The following ADGRL3 variants were observed in gnomAD, a reference collection of about 807,000 sequenced individuals.
The protein encoded by ADGRL3 is calcium-independent alpha-latrotoxin receptor 3.
In ADGRL3, 62 loss-of-function variants were observed where a neutral mutation model predicts 153.5. The ratio of observed to expected loss-of-function variants is 0.40; its 90% CI spans 0.33 to 0.50. The LOEUF (loss-of-function observed/expected upper bound fraction) is 0.50, where lower values mean the gene tolerates loss of function less well. Ranked by LOEUF, ADGRL3 falls within the 20% of genes least tolerant of loss-of-function variation. The pLI is 0.47. For synonymous variants in ADGRL3, 710 were observed against 672.5 expected, an observed-to-expected ratio of 1.06 and a Z score of -0.86; for missense variants, 1,641 against 1,859.4, an observed-to-expected ratio of 0.88 and a Z score of 2.16.
At position 61,959,885 on chromosome 4, in the gene ADGRL3, C is replaced by T. The variant is rs540162299; in HGVS notation, c.2805+11609C>T. The stretch of plus-strand genomic sequence containing the variant: ...TTACACTCATTTTGTATTTTGCTAT[C>T]TATAGTATGGTGGGATTTAGGTGGA... On this transcript the variant is annotated intron_variant, in intron 17 of 26. Transcript: ENST00000683033. Among the ~76,000 whole-genome samples the T allele has an allele frequency of 1.1e-4, 16 of 152,138 alleles. No individual in the cohort carries two copies. The East Asian group carries it at 3.1e-3, about 29-fold the overall frequency.
chr4:61,835,881 C>T (rs561202278), intron 9 of ADGRL3, among the ~76,000 whole-genome samples: 29 of 152,246 alleles, frequency 1.9e-4, no homozygotes, highest in South Asian at 1.0e-3. Flanking sequence ...TTGTTTTTCC[C>T]AGAAGGAGCC....
chr4:62,039,126 G>C (rs368885313), intron 24 of ADGRL3, among the ~76,000 whole-genome samples: 1 of 151,712 alleles, frequency 6.6e-6, no homozygotes, highest in Admixed American at 6.6e-5. Context: ...TTTTTTATTT[G>C]ATGGATGTTC....
Position 61,989,029 on chromosome 4 carries a change from G to C in ADGRL3, c.3236+5426G>C, listed in dbSNP as rs370251465. Among the ~76,000 whole-genome samples, 7 of 151,848 alleles carry C rather than the reference G, an allele frequency of 4.6e-5. 1 individual carries two copies. In the East Asian group the frequency reaches 1.4e-3, roughly 29 times the overall value. On this transcript the variant is annotated intron_variant, in intron 19 of 26. Transcript: ENST00000683033. The stretch of plus-strand genomic sequence containing the variant: ...ACTAGCTTAAGAGTATCTTTCAAAG[G>C]GGTACTTTCTCCTCTGTTAATTAAA...
chr4:61,450,745 T>C (rs1207887858), intron 2 of ADGRL3, among the ~76,000 whole-genome samples: 1 of 152,062 alleles, frequency 6.6e-6, no homozygotes, highest in Non-Finnish European at 1.5e-5. Context: ...TTGTTAGAAT[T>C]TCCATGTACA....
At chr4:61,492,009 G>A (rs1468961110) in intron 2 of ADGRL3, among the ~76,000 whole-genome samples, 1 of 122,606 alleles carries the variant, frequency 8.2e-6, no homozygotes, top group Non-Finnish European at 1.7e-5. Context: ...TCCCTCTATG[G>A]AACAATGAAA....
At chr4:61,591,947 G>T (rs538210258) in intron 5 of ADGRL3, among the ~76,000 whole-genome samples, 2 of 151,740 alleles carry the variant, frequency 1.3e-5, no homozygotes, top group African/African-American at 4.8e-5. Context: ...CTGGTGGGGT[G>T]CACCTATGGT....
chr4:61,203,785 C>T (rs563073313), intron 1 of ADGRL3, among the ~76,000 whole-genome samples: 1 of 152,144 alleles, frequency 6.6e-6, no homozygotes, highest in Non-Finnish European at 1.5e-5. Context: ...AATTTATCTG[C>T]ATGTGGATTA....
intron 1 of ADGRL3, among the ~76,000 whole-genome samples, chr4:61,278,644 C>T (rs1211310254): frequency 2.6e-5 from 4 of 152,210 alleles, no homozygotes; most frequent in Non-Finnish European, 5.9e-5. Context: ...GCTGGGACTA[C>T]AGGCATGCAC....
chr4:61,755,819 G>A (rs2096822072), intron 8 of ADGRL3, among the ~76,000 whole-genome samples: 1 of 152,146 alleles, frequency 6.6e-6, no homozygotes, highest in Admixed American at 6.5e-5. Flanking sequence ...AAGGGATCCA[G>A]TTTCAGCTTT....
At chr4:61,575,605 G>T (rs957296523) in intron 4 of ADGRL3, among the ~76,000 whole-genome samples, 1 of 151,724 alleles carries the variant, frequency 6.6e-6, no homozygotes, top group Admixed American at 6.6e-5. Context: ...ATGTTTTATT[G>T]ACCACTGAAT....
chr4:61,696,821 G>A (rs148199872), intron 6 of ADGRL3, among the ~76,000 whole-genome samples: 31 of 151,756 alleles, frequency 2.0e-4, no homozygotes, highest in African/African-American at 5.8e-4. Context: ...GATTATAGGC[G>A]CCTGCCACCA....
At chr4:61,222,551 A>G (rs1746121155) in intron 1 of ADGRL3, among the ~76,000 whole-genome samples, 1 of 152,162 alleles carries the variant, frequency 6.6e-6, no homozygotes, top group Non-Finnish European at 1.5e-5. Context: ...AAGGAAAACA[A>G]CTCTGGACTA....
rs181197261 is a variant in ADGRL3, at chr4:61,246,892, G to A, written c.-240+45127G>A. ...TTGGAATAAATGCTAAGATTTACTA[G>A]GATTACTGATTGTGTGGCATTAAAA... On this transcript the variant is annotated intron_variant, in intron 1 of 26. Coordinates refer to ENST00000683033, the MANE Select transcript of ADGRL3 (RefSeq NM_001387552.1). Among the ~76,000 whole-genome samples, 186 of 152,038 alleles carry A rather than the reference G, an allele frequency of 1.2e-3. 1 individual carries two copies. The highest frequency in any genetic ancestry group is 4.1e-3 in the African/African-American group (172 of 41,538).
At chr4:61,238,097 A>C (rs547089632) in intron 1 of ADGRL3, among the ~76,000 whole-genome samples, 6 of 152,270 alleles carry the variant, frequency 3.9e-5, no homozygotes, top group Admixed American at 6.5e-5. Context: ...AGAAGATGTG[A>C]TCTTTTAATT....
intron 1 of ADGRL3, among the ~76,000 whole-genome samples, chr4:61,246,382 C>G (rs1052125244): frequency 1.3e-5 from 2 of 151,984 alleles, no homozygotes; most frequent in African/African-American, 4.8e-5. Context: ...GAACTTATAT[C>G]AAGCATCGGG....
At chr4:61,421,540 A>G (rs1319971632) in intron 2 of ADGRL3, among the ~76,000 whole-genome samples, 2 of 152,082 alleles carry the variant, frequency 1.3e-5, no homozygotes, top group African/African-American at 4.8e-5. Context: ...TGGCCTGCTT[A>G]TTTTTCTTAC....
chr4:61,948,003 C>A, intron 16 of ADGRL3, 97 bp from the exon 17 acceptor site: 1 of 979,660 alleles, frequency 1.0e-6, no homozygotes. Flanking sequence ...AAAATTGGAA[C>A]AGAATATGAA....
intron 9 of ADGRL3, among the ~76,000 whole-genome samples, chr4:61,878,384 A>C (rs1043809589): frequency 6.6e-6 from 1 of 152,222 alleles, no homozygotes; most frequent in Admixed American, 6.5e-5. Context: ...AGTCAAGTTA[A>C]TGATCATATA....
intron 8 of ADGRL3, among the ~76,000 whole-genome samples, chr4:61,755,498 C>T (rs1000048664): frequency 1.3e-5 from 2 of 152,034 alleles, no homozygotes; most frequent in African/African-American, 4.8e-5. Context: ...TGTTTCAGTT[C>T]ATTGTAGATT....
Sources: allele counts gnomAD v4.1 joint callset (sites outside exome capture counted in the v4.1 genomes callset), GRCh38; gene constraint gnomAD v4.1.1; transcripts MANE v1.5; gene names NCBI Gene and HGNC (gene_info 2026-07-23, HGNC 2026-07-21).